MYG1: variants seen among roughly 807,000 people sequenced by gnomAD.
The protein encoded by MYG1 is UPF0160 protein MYG1, mitochondrial.
In MYG1, 36 loss-of-function variants were observed where a neutral mutation model predicts 43.5. That is an observed-to-expected ratio of 0.83 (90% CI 0.63 to 1.09). The LOEUF (loss-of-function observed/expected upper bound fraction) is 1.09. Among genes scored for constraint, MYG1 ranks in the 50% least tolerant of loss-of-function variants. MYG1 has a pLI of 0.00. For synonymous variants in MYG1, 220 were observed against 202.8 expected (o/e 1.08, Z -0.72); for missense variants, 529 against 495.1 (o/e 1.07, Z -0.65).
In MYG1 at chr12:53,306,064, A is replaced by G. The variant is rs200946706; in HGVS notation, c.642+4A>G. ...CCACCCCGACCAAGACACTGAGGTAAGGTGGCCTGGGAGGAGACCCGGAGA... is the reference window on the plus strand; with the variant it reads ...CCACCCCGACCAAGACACTGAGGTAGGGTGGCCTGGGAGGAGACCCGGAGA... On this transcript the variant is annotated splice_donor_region_variant and intron_variant, in intron 4 of 6. Coordinates refer to ENST00000267103, the MANE Select transcript of MYG1 (RefSeq NM_021640.4). 6.2e-7 allele frequency: 1 copy of G among 1,612,082 alleles called. No homozygotes were observed. The highest frequency in any genetic ancestry group is 1.1e-5 in the South Asian group (1 of 90,706).
Position 53,300,553 on chromosome 12 carries a change from C to T in MYG1, c.329+291C>T, listed in dbSNP as rs531572681. Among the ~76,000 whole-genome samples the T allele has an allele frequency of 2.0e-5, 3 of 152,322 alleles. No homozygotes were observed. In the South Asian group the frequency reaches 6.2e-4, roughly 32 times the overall value. On this transcript the variant is annotated intron_variant, in intron 2 of 6. Coordinates refer to ENST00000267103, the MANE Select transcript of MYG1 (RefSeq NM_021640.4). ...ACTTCATCACCCCAACTAAATAAAC[C>T]CATCTGTGATTAATCCATTCTGGTG...
rs762089054 is a variant in MYG1 at position 53,299,801 on chromosome 12, C to A, written c.64C>A (p.Arg22=). ...LLLPPPPLYT[R]HRMLGPESVP... is the part of the protein sequence containing the mutation. ...GCTGCCGCCGCCACCCCTGTATACCCGGCACCGCATGCTCGGTCCAGAGTC... is the reference window on the plus strand; with the variant it reads ...GCTGCCGCCGCCACCCCTGTATACCAGGCACCGCATGCTCGGTCCAGAGTC... Residue 22 remains arginine, a synonymous_variant, in exon 1 of 7, where the codon CGG becomes AGG. Coordinates refer to ENST00000267103, the MANE Select transcript of MYG1 (RefSeq NM_021640.4). 9.9e-6 allele frequency: 16 copies of A among 1,613,992 alleles called. No homozygotes were observed. Among genetic ancestry groups the A allele is most frequent in the Non-Finnish European group, 1.2e-5 (14 of 1,180,014 alleles).
chr12:53,302,020 T>C (rs1050127323), intron 2 of MYG1, among the ~76,000 whole-genome samples: 1 of 145,512 alleles, frequency 6.9e-6, no homozygotes, highest in South Asian at 2.2e-4. Context: ...AGTTTCGCTA[T>C]TGTTGCCCAG....
rs1156606186 is a variant in MYG1, at chr12:53,303,086, A to G, written c.382A>G (p.Lys128Glu). ...GTCCCCTGGGAAGCCGTGGCAGACCAAGCTGAGCAGTGCGGGACTCATCTA... is the reference window on the plus strand; with the variant it reads ...GTCCCCTGGGAAGCCGTGGCAGACCGAGCTGAGCAGTGCGGGACTCATCTA... ...SLSPGKPWQT[K>E]LSSAGLIYLH... Residue 128 changes from lysine (K) to glutamate (E), a missense_variant, in exon 3 of 7, where the codon AAG (lysine) becomes GAG (glutamate). Physicochemically the swap from Lys to Glu is moderately conservative, Grantham distance 56. Transcript: ENST00000267103. 6.2e-7 allele frequency: 1 copy of G among 1,614,054 alleles called. No individual in the cohort carries two copies. Among genetic ancestry groups the G allele is most frequent in the African/African-American group, 1.3e-5 (1 of 75,036 alleles).
Position 53,303,118 on chromosome 12 carries a change from C to G in MYG1, c.414C>G (p.His138Gln). ...GCAGTGCGGGACTCATCTATCTGCA[C>G]TTCGGGCACAAGCTGCTGGCCCAGT... ...KLSSAGLIYL[H>Q]FGHKLLAQLL... The change falls in exon 3 of 7, where the codon CAC becomes CAG. Residue 138 changes from histidine to glutamine, a missense_variant. By Grantham distance (24) the His-to-Gln change is conservative (BLOSUM62 0). Coordinates refer to ENST00000267103, the MANE Select transcript of MYG1 (RefSeq NM_021640.4). 6.2e-7 allele frequency: 1 copy of G among 1,614,164 alleles called. No homozygotes were observed. Among genetic ancestry groups the G allele is most frequent in the Non-Finnish European group, 8.5e-7 (1 of 1,180,032 alleles).
chr12:53,304,066 A>G (rs969773973), intron 3 of MYG1, among the ~76,000 whole-genome samples: 3 of 151,778 alleles, frequency 2.0e-5, no homozygotes, highest in Non-Finnish European at 4.4e-5. Context: ...GATGGTCTTG[A>G]TCTCCTGACC....
At chr12:53,305,261 T>A (rs145720530) in intron 3 of MYG1, among the ~76,000 whole-genome samples, 1 of 152,274 alleles carries the variant, frequency 6.6e-6, no homozygotes, top group African/African-American at 2.4e-5. Context: ...GAGTAGCACT[T>A]TTCTACATAC....
Position 53,306,720 on chromosome 12 carries a change from C to A in MYG1, c.806C>A (p.Ala269Glu), listed in dbSNP as rs760932176. 6.2e-7 allele frequency: 1 copy of A among 1,614,098 alleles called. No individual in the cohort carries two copies. Reference sequence around the variant, plus strand: ...GAGATTGTGGAACTGGCGAAAGGTGCATGTCCCTGGAAGGAGCATCTCTAC... The same window carrying A: ...GAGATTGTGGAACTGGCGAAAGGTGAATGTCCCTGGAAGGAGCATCTCTAC... ...SGEIVELAKG[A>E]CPWKEHLYHL... Residue 269 changes from alanine to glutamate, a missense_variant, in exon 6 of 7, where the codon GCA becomes GAA. Transcript: ENST00000267103.
intron 5 of MYG1, 76 bp from the exon 6 acceptor site, chr12:53,306,604 A>G: frequency 6.7e-7 from 1 of 1,494,668 alleles, no homozygotes; most frequent in Admixed American, 1.9e-5. Flanking sequence ...TCAGCCTCCC[A>G]AAATGTTGTG....
chr12:53,306,045 C>T lies in MYG1; in HGVS notation c.627C>T (p.Pro209=), dbSNP rs907199326. The part of the protein sequence containing the change: ...VARLNPTWNH[P]DQDTEAGFKR... ...GACTTAATCCTACCTGGAACCACCC[C>T]GACCAAGACACTGAGGTAAGGTGGC... is the stretch of plus-strand genomic sequence containing the variant. Residue 209 remains proline, a synonymous_variant, in exon 4 of 7, where the codon CCC becomes CCT. Transcript: ENST00000267103. 4 of 1,613,254 alleles carry T rather than the reference C, an allele frequency of 2.5e-6. No individual in the cohort carries two copies. Among genetic ancestry groups the T allele is most frequent in the African/African-American group, 2.7e-5 (2 of 74,892 alleles).
rs372542874 is a variant in MYG1 at position 53,306,699 on chromosome 12, T to C, written c.785T>C (p.Ile262Thr). The C allele has an allele frequency of 4.6e-5, 75 of 1,613,710 alleles. 1 individual carries two copies. The highest frequency in any genetic ancestry group is 1.7e-4 in the Middle Eastern group (1 of 6,054). The change falls in exon 6 of 7, where the codon ATT becomes ACT. Residue 262 changes from isoleucine (I) to threonine (T), a missense_variant. Ile to Thr is a moderately conservative substitution (Grantham distance 89, BLOSUM62 -1). Transcript: ENST00000267103. Reference protein sequence around the residue: ...QRFQVDPSGEIVELAKGACPW... With the variant: ...QRFQVDPSGETVELAKGACPW... ...TTTCAGGTGGACCCAAGTGGAGAGA[T>C]TGTGGAACTGGCGAAAGGTGCATGT...
At chr12:53,303,451 G>A (rs1944245938) in intron 3 of MYG1, 4 of 401,498 alleles carry the variant, frequency 1.0e-5, no homozygotes, top group Non-Finnish European at 1.8e-5. Context: ...AAGCAGCATG[G>A]CCCCGTCTTT....
At chr12:53,302,947 A>G (rs1031127077) in intron 2 of MYG1, 87 bp from the exon 3 acceptor site, 41 of 1,335,308 alleles carry the variant, frequency 3.1e-5, no homozygotes, top group Non-Finnish European at 4.1e-5. Flanking sequence ...TGTGGCAGAT[A>G]GGAAGCATTG....
At chr12:53,306,917 G>A in intron 6 of MYG1, 49 bp from the exon 7 acceptor site, 2 of 1,606,408 alleles carry the variant, frequency 1.2e-6, no homozygotes, top group East Asian at 4.5e-5. Flanking sequence ...GCCTTGTTAA[G>A]AGAAGGCTGC....
In MYG1 at chr12:53,299,746, C is replaced by T; in HGVS notation, c.9C>T (p.His3=). The T allele has an allele frequency of 6.2e-7, 1 of 1,612,968 alleles. No individual in the cohort carries two copies. Among genetic ancestry groups the T allele is most frequent in the Non-Finnish European group, 8.5e-7 (1 of 1,179,594 alleles). Residue 3 remains histidine, a synonymous_variant, in exon 1 of 7, where the codon CAC becomes CAT. Transcript: ENST00000267103. ...CCTGCAGGGAGCTGCTTATGGGACA[C>T]CAATTCCTGCGCGGCCTCTTAACGC... MG[H]QFLRGLLTLL...
At chr12:53,304,668 C>T (rs1944256994) in intron 3 of MYG1, among the ~76,000 whole-genome samples, 1 of 152,076 alleles carries the variant, frequency 6.6e-6, no homozygotes, top group African/African-American at 2.4e-5. Flanking sequence ...TGGCTTGCTG[C>T]TGCTTTGAAC....
chr12:53,303,317 ACT>A, intron 3 of MYG1, 124 bp downstream of exon 3: 2 of 1,006,910 alleles, frequency 2.0e-6, no homozygotes, highest in Non-Finnish European at 2.8e-6. Flanking sequence ...CAGGCCCAAC[ACT>A]CATCCTCTCC....
chr12:53,305,803 A>T (rs1944270857), intron 3 of MYG1, 105 bp from the exon 4 acceptor site: 1 of 1,400,356 alleles, frequency 7.1e-7, no homozygotes, highest in Non-Finnish European at 9.5e-7. Context: ...ATGTTGAGAG[A>T]TCCTCACAGG....
At position 53,303,112 on chromosome 12, in the gene MYG1, T is replaced by C; in HGVS notation, c.408T>C (p.Tyr136=). Residue 136 remains tyrosine (Y), a synonymous_variant, in exon 3 of 7, where the codon TAT becomes TAC. Coordinates refer to ENST00000267103, the MANE Select transcript of MYG1 (RefSeq NM_021640.4). ...AGCTGAGCAGTGCGGGACTCATCTA[T>C]CTGCACTTCGGGCACAAGCTGCTGG... ...QTKLSSAGLI[Y]LHFGHKLLAQ... The C allele has an allele frequency of 6.2e-7, 1 of 1,614,164 alleles. No individual in the cohort carries two copies. Among genetic ancestry groups the C allele is most frequent in the South Asian group, 1.1e-5 (1 of 91,082 alleles).
Sources: allele counts gnomAD v4.1 joint callset (sites outside exome capture counted in the v4.1 genomes callset), GRCh38; gene constraint gnomAD v4.1.1; transcripts MANE v1.5; gene names NCBI Gene and HGNC (gene_info 2026-07-23, HGNC 2026-07-21).